The following ZNF580 variants were observed in gnomAD, a reference collection of about 807,000 sequenced individuals.
The protein encoded by ZNF580 is zinc finger protein 580.
In ZNF580, 1 loss-of-function variant was observed where a neutral mutation model predicts 1.3. The ratio of observed to expected loss-of-function variants is 0.77; its 90% CI spans 0.27 to 3.65. The LOEUF (loss-of-function observed/expected upper bound fraction) is 3.65, where lower values mean the gene tolerates loss of function less well. ZNF580 is among the 30% of genes most tolerant of loss of function. The pLI is 0.19. For synonymous variants in ZNF580, 135 were observed against 128.8 expected (o/e 1.05, Z -0.32); for missense variants, 268 against 272.3 (o/e 0.98, Z 0.11).
chr19:55,642,432 AT>A, intron 1 of ZNF580, 64 bp from the exon 2 acceptor site: 1 of 1,397,108 alleles, frequency 7.2e-7, no homozygotes, highest in Non-Finnish European at 9.3e-7. Context: ...GATGCTTTCC[AT>A]TTTAGGAAAC....
intron 1 of ZNF580, chr19:55,642,168 G>C (rs1982539753): frequency 9.2e-7 from 1 of 1,092,482 alleles, no homozygotes; most frequent in South Asian, 4.4e-5. Context: ...TTTAGGGATT[G>C]ATTGTCTGCT....
rs310475 is a variant in ZNF580 at position 55,642,502 on chromosome 19, G to A, written c.-7G>A. The A allele has an allele frequency of 0.63, 889,718 of 1,422,626 alleles. 283,526 individuals are homozygous for A. Among genetic ancestry groups the A allele is most frequent in the Non-Finnish European group, 0.65 (702,353 of 1,088,486 alleles). 88.1% of individuals were successfully genotyped at this position (1,422,626 alleles called of 1,614,324 possible). The stretch of plus-strand genomic sequence containing the variant: ...CTCCCCTCCGCCGCTCCCAGCTGCC[G>A]CTCCAGATGCTGCTGCTGCCGCCGC... On this transcript the variant is annotated 5_prime_UTR_variant, in exon 2 of 2. Coordinates refer to ENST00000325333, the MANE Select transcript of ZNF580 (RefSeq NM_207115.2).
At chr19:55,641,535 AAG>A (rs539104463) in intron 1 of ZNF580, among the ~76,000 whole-genome samples, 131 of 152,220 alleles carry the variant, frequency 8.6e-4, no homozygotes, top group African/African-American at 3.0e-3. Flanking sequence ...CACGAGGAGA[AAG>A]AGAGATGCCA....
Position 55,642,989 on chromosome 19 carries a change from G to A in ZNF580, c.481G>A (p.Asp161Asn). Residue 161 changes from aspartate (D) to asparagine (N), a missense_variant, in exon 2 of 2, where the codon GAC becomes AAC. By Grantham distance (23) the Asp-to-Asn change is conservative. This residue lies in a region of ZNF580 where 43 missense variants were observed against 70.5 expected (regional missense o/e 0.61). Coordinates refer to ENST00000325333, the MANE Select transcript of ZNF580 (RefSeq NM_207115.2). The part of the protein sequence containing the change: ...TCPLCPRRFQ[D>N]AAELAQHVRL... ...CCCGCTCTGCCCACGCCGCTTCCAG[G>A]ACGCCGCGGAGCTGGCGCAGCACGT... The A allele has an allele frequency of 7.3e-7, 1 of 1,372,498 alleles. No homozygotes were observed. The highest frequency in any genetic ancestry group is 9.4e-7 in the Non-Finnish European group (1 of 1,063,662). The allele number at this position is 1,372,498 out of a possible 1,614,324, so 85.0% of individuals were successfully genotyped here.
chr19:55,642,280 G>A, intron 1 of ZNF580: 1 of 1,244,940 alleles, frequency 8.0e-7, no homozygotes, highest in Non-Finnish European at 1.0e-6. Flanking sequence ...GGCAGGTGGT[G>A]GCGGGGTTTT....
Position 55,642,723 on chromosome 19 carries a change from AGCCCCGGGGCCCGCCCCAGCGCGAGGC to A in ZNF580, c.221_247del (p.Arg74_Pro82del). ...ACATACACGGTGCAGCTGGAGGAGG[AGCCCCGGGGCCCGCCCCAGCGCGAGGC>A]GCCCCCAGGAGAGCCCGGCCCTCGC... On this transcript the variant is annotated inframe_deletion, in exon 2 of 2. Transcript: ENST00000325333. 1 of 1,508,300 alleles carries A rather than the reference AGCCCCGGGGCCCGCCCCAGCGCGAGGC, an allele frequency of 6.6e-7. No homozygotes were observed. The highest frequency in any genetic ancestry group is 2.6e-5 in the East Asian group (1 of 38,424). 93.4% of individuals were successfully genotyped at this position (1,508,300 alleles called of 1,614,324 possible). A position where few individuals can be genotyped will look rare whatever the true frequency, so the allele number is the denominator to read the frequency against.
At position 55,643,013 on chromosome 19, in the gene ZNF580, G is replaced by C. The variant is rs1169394267; in HGVS notation, c.505G>C (p.Val169Leu). The C allele has an allele frequency of 3.4e-5, 46 of 1,362,882 alleles. No individual in the cohort carries two copies. The Admixed American group carries it at 1.9e-3, about 55-fold the overall frequency. The allele number at this position is 1,362,882 out of a possible 1,614,324, so 84.4% of individuals were successfully genotyped here. ...FQDAAELAQH[V>L]RLH is the part of the protein sequence containing the mutation. ...GGACGCCGCGGAGCTGGCGCAGCAC[G>C]TGCGCCTCCACTAAGCTCGAGACCC... Residue 169 changes from valine (V) to leucine (L), a missense_variant, in exon 2 of 2, where the codon GTG becomes CTG. Transcript: ENST00000325333.
chr19:55,643,196 C>T lies in ZNF580; in HGVS notation c.*169C>T. 8.6e-7 allele frequency: 1 copy of T among 1,166,274 alleles called. No homozygotes were observed. The highest frequency in any genetic ancestry group is 4.2e-5 in the Admixed American group (1 of 23,536). 72.2% of individuals were successfully genotyped at this position (1,166,274 alleles called of 1,614,324 possible). ...GGAGGAGCATCATTCCTTCCTTACC[C>T]CCTTTCTAGCTGTGTGATGTAGACC... On this transcript the variant is annotated 3_prime_UTR_variant, in exon 2 of 2. Coordinates refer to ENST00000325333, the MANE Select transcript of ZNF580 (RefSeq NM_207115.2).
chr19:55,643,203 T>C lies in ZNF580; in HGVS notation c.*176T>C. ...CATCATTCCTTCCTTACCCCCTTTCTAGCTGTGTGATGTAGACCAAAGTCG... is the reference window on the plus strand; with the variant it reads ...CATCATTCCTTCCTTACCCCCTTTCCAGCTGTGTGATGTAGACCAAAGTCG... On this transcript the variant is annotated 3_prime_UTR_variant, in exon 2 of 2. Transcript: ENST00000325333. 8.8e-7 allele frequency: 1 copy of C among 1,138,414 alleles called. No individual in the cohort carries two copies. Among genetic ancestry groups the C allele is most frequent in the East Asian group, 3.2e-5 (1 of 30,818 alleles). The allele number at this position is 1,138,414 out of a possible 1,614,324, so 70.5% of individuals were successfully genotyped here.
At chr19:55,641,975 G>A in intron 1 of ZNF580, 4 of 912,400 alleles carry the variant, frequency 4.4e-6, no homozygotes, top group Non-Finnish European at 5.2e-6. Context: ...AGGCCCTGCG[G>A]CATGTAGTGG....
At position 55,642,580 on chromosome 19, in the gene ZNF580, C is replaced by T. The variant is rs778020661; in HGVS notation, c.72C>T (p.Pro24=). The T allele has an allele frequency of 1.4e-6, 2 of 1,450,560 alleles. No individual in the cohort carries two copies. The highest frequency in any genetic ancestry group is 1.5e-5 in the South Asian group (1 of 65,672). 89.9% of individuals were successfully genotyped at this position (1,450,560 alleles called of 1,614,324 possible). ...CGGAGGCCATGGACCCACCGCCCCC[C>T]AAGGCTCCCCCTTTCCCCAAGGCGG... ...SSPEAMDPPP[P]KAPPFPKAEG... is the part of the protein sequence containing the mutation. The change falls in exon 2 of 2, where the codon CCC becomes CCT. Residue 24 remains proline, a synonymous_variant. Coordinates refer to ENST00000325333, the MANE Select transcript of ZNF580 (RefSeq NM_207115.2).
intron 1 of ZNF580, chr19:55,642,135 T>C: frequency 9.8e-7 from 1 of 1,019,374 alleles, no homozygotes; most frequent in Non-Finnish European, 1.2e-6. Context: ...GCCCGGGGTC[T>C]AAGATGTAAA....
At position 55,642,586 on chromosome 19, in the gene ZNF580, T is replaced by TCC; in HGVS notation, c.82_83dup (p.Phe29LeufsTer163). 7.1e-7 allele frequency: 1 copy of TCC among 1,405,362 alleles called. No homozygotes were observed. Among genetic ancestry groups the TCC allele is most frequent in the Non-Finnish European group, 9.3e-7 (1 of 1,078,556 alleles). The allele number at this position is 1,405,362 out of a possible 1,614,324, so 87.1% of individuals were successfully genotyped here. A position where few individuals can be genotyped will look rare whatever the true frequency, so the allele number is the denominator to read the frequency against. On this transcript the variant is annotated frameshift_variant, in exon 2 of 2. Coordinates refer to ENST00000325333, the MANE Select transcript of ZNF580 (RefSeq NM_207115.2). LOFTEE classifies it low-confidence loss of function (END_TRUNC). ...CCATGGACCCACCGCCCCCCAAGGC[T>TCC]CCCCCTTTCCCCAAGGCGGAAGGCC...
intron 1 of ZNF580, chr19:55,642,192 A>C: frequency 8.8e-7 from 1 of 1,134,236 alleles, no homozygotes; most frequent in Non-Finnish European, 1.1e-6. Context: ...GTGGGTTGAG[A>C]GGAGAAAAGG....
At position 55,643,027 on chromosome 19, in the gene ZNF580, A is replaced by G; in HGVS notation, c.519A>G (p.Ter173=). 7.4e-7 allele frequency: 1 copy of G among 1,360,012 alleles called. No homozygotes were observed. 84.2% of individuals were successfully genotyped at this position (1,360,012 alleles called of 1,614,324 possible). A position where few individuals can be genotyped will look rare whatever the true frequency, so the allele number is the denominator to read the frequency against. Residue 173 remains the stop codon, a stop_retained_variant, in exon 2 of 2, where the codon TAA becomes TAG. Transcript: ENST00000325333. ...TGGCGCAGCACGTGCGCCTCCACTA[A>G]GCTCGAGACCCGGCCTGTGCTGCCC... is the stretch of plus-strand genomic sequence containing the variant. ...AELAQHVRLH[*]
chr19:55,641,356 G>A (rs886343857), intron 1 of ZNF580, among the ~76,000 whole-genome samples, 173 bp downstream of exon 1: 3 of 152,208 alleles, frequency 2.0e-5, no homozygotes, highest in Non-Finnish European at 4.4e-5. Flanking sequence ...GGGAAGTGAA[G>A]GCAATAGGAG....
In ZNF580 at chr19:55,643,093, A is replaced by G. The variant is rs1982632406; in HGVS notation, c.*66A>G. On this transcript the variant is annotated 3_prime_UTR_variant, in exon 2 of 2. Coordinates refer to ENST00000325333, the MANE Select transcript of ZNF580 (RefSeq NM_207115.2). ...CACCAAGTCTGACCCACACAGCGTCACTCACTCCCACACACACCCCCTGGC... is the reference window on the plus strand; with the variant it reads ...CACCAAGTCTGACCCACACAGCGTCGCTCACTCCCACACACACCCCCTGGC... The G allele has an allele frequency of 2.3e-6, 3 of 1,330,196 alleles. No individual in the cohort carries two copies. Among genetic ancestry groups the G allele is most frequent in the Non-Finnish European group, 2.9e-6 (3 of 1,037,120 alleles). The allele number at this position is 1,330,196 out of a possible 1,614,324, so 82.4% of individuals were successfully genotyped here. A position where few individuals can be genotyped will look rare whatever the true frequency, so the allele number is the denominator to read the frequency against.
At position 55,641,272 on chromosome 19, in the gene ZNF580, A is replaced by G. The variant is rs958307260; in HGVS notation, c.-13+89A>G. On this transcript the variant is annotated intron_variant, in intron 1 of 1. Transcript: ENST00000325333. ...GGGGAGTGCGCTGGAGCCACCCGGGATGGGGGTGGGGGTCGGGAGCGGCAG... is the reference window on the plus strand; with the variant it reads ...GGGGAGTGCGCTGGAGCCACCCGGGGTGGGGGTGGGGGTCGGGAGCGGCAG... 5.9e-4 allele frequency: 473 copies of G among 803,486 alleles called. 2 individuals are homozygous for G. Among genetic ancestry groups the G allele is most frequent in the Middle Eastern group, 1.3e-3 (2 of 1,580 alleles). 49.8% of individuals were successfully genotyped at this position (803,486 alleles called of 1,614,324 possible).
Position 55,641,130 on chromosome 19 carries a change from G to A in ZNF580, c.-66G>A. On this transcript the variant is annotated 5_prime_UTR_variant, in exon 1 of 2. Transcript: ENST00000325333. ...GCCGGCGCTCGCCAGGGGAAGCCCGGGGCCGCCCGGGACCTCGGCCCGTTC... is the reference window on the plus strand; with the variant it reads ...GCCGGCGCTCGCCAGGGGAAGCCCGAGGCCGCCCGGGACCTCGGCCCGTTC... 1.0e-6 allele frequency: 1 copy of A among 985,160 alleles called. No homozygotes were observed. The highest frequency in any genetic ancestry group is 1.2e-6 in the Non-Finnish European group (1 of 829,720). The allele number at this position is 985,160 out of a possible 1,614,324, so 61.0% of individuals were successfully genotyped here.
Sources: gnomAD v4.1 joint callset for allele counts (sites outside exome capture counted in the v4.1 genomes callset) on GRCh38, gnomAD v4.1.1 for gene constraint, gnomAD v4.1.1 regional missense constraint, MANE v1.5 for transcripts, NCBI Gene and HGNC (gene_info 2026-07-23, HGNC 2026-07-21) for gene names.